Variants in GTF2A1L observed in about 807,000 individuals in gnomAD.
The protein encoded by GTF2A1L is TFIIA-alpha and beta-like factor.
In GTF2A1L, 48 loss-of-function variants were observed where a neutral mutation model predicts 49.7. That is an observed-to-expected ratio of 0.97 (90% CI 0.77 to 1.23). The LOEUF (loss-of-function observed/expected upper bound fraction) is 1.23, where lower values mean the gene tolerates loss of function less well. GTF2A1L is among the 50% of genes most tolerant of loss of function. The pLI is 0.00. For missense variants in GTF2A1L, 736 were observed against 564.8 expected, an observed-to-expected ratio of 1.30 and a Z score of -3.07; for synonymous variants, 246 against 193.5, an observed-to-expected ratio of 1.27 and a Z score of -2.25.
chr2:48,679,510 T>C lies in GTF2A1L; in HGVS notation c.*68T>C. 2.5e-6 allele frequency: 4 copies of C among 1,590,024 alleles called. No homozygotes were observed. The highest frequency in any genetic ancestry group is 3.4e-6 in the Non-Finnish European group (4 of 1,172,082). ...ATTATATTGCATATTGTGAATTCAT[T>C]TTTATTTTGAATATAGTCCAGCACA... On this transcript the variant is annotated 3_prime_UTR_variant, in exon 9 of 9. Transcript: ENST00000403751.
intron 6 of GTF2A1L, among the ~76,000 whole-genome samples, chr2:48,651,819 A>G (rs1273997741): frequency 6.6e-6 from 1 of 152,128 alleles, no homozygotes; most frequent in East Asian, 1.9e-4. Flanking sequence ...GACATTTACT[A>G]TTTTTGAGAG....
intron 8 of GTF2A1L, among the ~76,000 whole-genome samples, chr2:48,674,374 CT>C (rs375168850): frequency 1.1e-3 from 169 of 148,528 alleles, no homozygotes; most frequent in Admixed American, 2.3e-3. Flanking sequence ...CATATTTAGC[CT>C]TTTTTTTTTC....
At chr2:48,664,751 C>CAA (rs1678718160) in intron 6 of GTF2A1L, among the ~76,000 whole-genome samples, 1 of 152,044 alleles carries the variant, frequency 6.6e-6, no homozygotes, top group African/African-American at 2.4e-5. Flanking sequence ...ATGGATTTAT[C>CAA]CATTTTACTT....
Position 48,630,735 on chromosome 2 carries a change from G to A in GTF2A1L, c.247+9445G>A, listed in dbSNP as rs774407368. Among the ~76,000 whole-genome samples the A allele has an allele frequency of 3.2e-4, 48 of 147,756 alleles. 10 individuals carry two copies. The highest frequency in any genetic ancestry group is 6.1e-4 in the Non-Finnish European group (40 of 65,956). On this transcript the variant is annotated intron_variant, in intron 3 of 8. Coordinates refer to ENST00000403751, the MANE Select transcript of GTF2A1L (RefSeq NM_006872.5). Reference sequence around the variant, plus strand: ...TTTTTGCCCATTTAGCATGGTGTTGGCTGTGAGTTTGTCATAGATGGCTCT... The same window carrying A: ...TTTTTGCCCATTTAGCATGGTGTTGACTGTGAGTTTGTCATAGATGGCTCT...
At chr2:48,665,810 T>C (rs1288439274) in intron 6 of GTF2A1L, among the ~76,000 whole-genome samples, 1 of 152,152 alleles carries the variant, frequency 6.6e-6, no homozygotes, top group African/African-American at 2.4e-5. Flanking sequence ...TATATATTAA[T>C]TAGGTTAAGT....
intron 6 of GTF2A1L, among the ~76,000 whole-genome samples, chr2:48,665,968 G>T (rs950627951): frequency 6.6e-6 from 1 of 151,856 alleles, no homozygotes; most frequent in Non-Finnish European, 1.5e-5. Flanking sequence ...GTTTAGTTTT[G>T]AAGCTATGTT....
chr2:48,627,753 A>G (rs961292692), intron 3 of GTF2A1L, among the ~76,000 whole-genome samples: 1 of 143,320 alleles, frequency 7.0e-6, no homozygotes, highest in African/African-American at 2.5e-5. Context: ...ATTCAGGGGT[A>G]CACAGGCAGG....
chr2:48,671,767 G>T (rs1361208421), intron 8 of GTF2A1L, 87 bp downstream of exon 8: 1 of 1,269,992 alleles, frequency 7.9e-7, no homozygotes, highest in South Asian at 1.5e-5. Context: ...AAGATGAAGA[G>T]TTACACTTCA....
At position 48,673,359 on chromosome 2, in the gene GTF2A1L, CTTTT is replaced by C. The variant is rs34493140; in HGVS notation, c.1329+1697_1329+1700del. ...ACGTACATTTTACTGACACAGGAAACTTTTTTTTTTTTTTTTTTTTTGAGATGGA... is the reference window on the plus strand; with the variant it reads ...ACGTACATTTTACTGACACAGGAAACTTTTTTTTTTTTTTTTTGAGATGGA... On this transcript the variant is annotated intron_variant, in intron 8 of 8. Coordinates refer to ENST00000403751, the MANE Select transcript of GTF2A1L (RefSeq NM_006872.5). 9.8e-4 allele frequency among the ~76,000 whole-genome samples: 108 copies of C among 109,652 alleles called. 1 individual carries two copies. Among genetic ancestry groups the C allele is most frequent in the Middle Eastern group, 0.011 (2 of 184 alleles). 71.9% of individuals were successfully genotyped at this position (109,652 alleles called of 152,430 possible).
Position 48,647,028 on chromosome 2 carries a change from C to T in GTF2A1L, c.964C>T (p.Pro322Ser). The change falls in exon 6 of 9, where the codon CCT (proline) becomes TCT (serine). Residue 322 changes from proline to serine, a missense_variant. By Grantham distance (74) the Pro-to-Ser change is moderately conservative. Transcript: ENST00000403751. The part of the protein sequence containing the change: ...PRNIEEPSNI[P>S]VSEKDSNSQV... ...AAATATAGAGGAACCCAGCAACATA[C>T]CTGTATCAGAGAAGGTATAGTTCTG... 6.2e-7 allele frequency: 1 copy of T among 1,607,498 alleles called. No individual in the cohort carries two copies. Among genetic ancestry groups the T allele is most frequent in the Non-Finnish European group, 8.5e-7 (1 of 1,177,078 alleles).
At position 48,656,348 on chromosome 2, in the gene GTF2A1L, G is replaced by GTTTTTT. The variant is rs367837291; in HGVS notation, c.978+9330_978+9335dup. Among the ~76,000 whole-genome samples the GTTTTTT allele has an allele frequency of 3.0e-4, 34 of 114,500 alleles. 2 individuals are homozygous for GTTTTTT. The highest frequency in any genetic ancestry group is 1.0e-3 in the African/African-American group (30 of 28,690). 75.1% of individuals were successfully genotyped at this position (114,500 alleles called of 152,430 possible). On this transcript the variant is annotated intron_variant, in intron 6 of 8. Coordinates refer to ENST00000403751, the MANE Select transcript of GTF2A1L (RefSeq NM_006872.5). ...ATATCCCCACCAACGCTTATTTTCT[G>GTTTTTT]TTTTTTTTTTTTTTTTTTTTTTTTT...
chr2:48,657,268 T>G (rs546977073), intron 6 of GTF2A1L, among the ~76,000 whole-genome samples: 3 of 152,174 alleles, frequency 2.0e-5, no homozygotes, highest in African/African-American at 7.2e-5. Context: ...TTCTCCCTTT[T>G]TGGAGTCCCC....
intron 8 of GTF2A1L, 142 bp from the exon 9 acceptor site, chr2:48,679,193 A>G (rs561201841): frequency 9.3e-7 from 1 of 1,079,250 alleles, no homozygotes; most frequent in Non-Finnish European, 1.3e-6. Context: ...TGTTTATGGA[A>G]TAAACAAACT....
chr2:48,667,115 AT>A (rs57507576), intron 6 of GTF2A1L, among the ~76,000 whole-genome samples: 14,737 of 142,838 alleles, frequency 0.1, 2,473 homozygotes, highest in African/African-American at 0.35. Context: ...CTCCCAGCTA[AT>A]TTTTTTTTTT....
chr2:48,667,722 C>T (rs763261609), intron 6 of GTF2A1L, among the ~76,000 whole-genome samples: 21 of 152,030 alleles, frequency 1.4e-4, no homozygotes, highest in Non-Finnish European at 2.8e-4. Flanking sequence ...AATTTTTCTA[C>T]ACAGTATTAT....
At chr2:48,677,630 T>C (rs1010501201) in intron 8 of GTF2A1L, among the ~76,000 whole-genome samples, 1 of 152,020 alleles carries the variant, frequency 6.6e-6, no homozygotes, top group Non-Finnish European at 1.5e-5. Flanking sequence ...ACACTCTGGG[T>C]ATCCTGTTTA....
At chr2:48,632,529 T>C in intron 3 of GTF2A1L, 1 of 152,800 alleles carries the variant, frequency 6.5e-6, no homozygotes, top group Non-Finnish European at 1.5e-5. Flanking sequence ...ATTACAGGCA[T>C]GCACCACCAT....
chr2:48,620,065 C>T (rs961209807), intron 1 of GTF2A1L, among the ~76,000 whole-genome samples: 1 of 152,098 alleles, frequency 6.6e-6, no homozygotes, highest in South Asian at 2.1e-4. Context: ...AGTGTTTACC[C>T]CAGTTTTCTG....
intron 7 of GTF2A1L, among the ~76,000 whole-genome samples, chr2:48,670,486 A>G (rs1679109870): frequency 2.6e-5 from 4 of 152,224 alleles, no homozygotes; most frequent in Admixed American, 2.6e-4. Flanking sequence ...ATTGGTCTTA[A>G]CTAGAGGTAG....
Sources: gnomAD v4.1 joint callset for allele counts (sites outside exome capture counted in the v4.1 genomes callset) on GRCh38, gnomAD v4.1.1 for gene constraint, MANE v1.5 for transcripts, NCBI Gene and HGNC (gene_info 2026-07-23, HGNC 2026-07-21) for gene names.